LRRN1: variants seen among roughly 807,000 people sequenced by gnomAD.
The protein encoded by LRRN1 is leucine rich repeat neuronal 1.
A neutral mutation model predicts 45.8 loss-of-function variants in LRRN1; 14 were observed. The ratio of observed to expected loss-of-function variants is 0.31; its 90% confidence interval spans 0.20 to 0.48. The LOEUF is 0.48. LRRN1 is among the 20% of genes least tolerant of loss of function. The pLI is 0.99. For missense variants in LRRN1, 789 were observed against 874.2 expected (o/e 0.90, Z 1.23); for synonymous variants, 359 against 330.1 (o/e 1.09, Z -0.95).
At chr3:3,838,592 G>C (rs1428709871) in intron 1 of LRRN1, among the ~76,000 whole-genome samples, 1 of 152,166 alleles carries the variant, frequency 6.6e-6, no homozygotes, top group East Asian at 1.9e-4. Flanking sequence ...AATTTTTTGA[G>C]AAATCACTAT....
intron 1 of LRRN1, among the ~76,000 whole-genome samples, chr3:3,809,182 C>T (rs1403606472): frequency 1.3e-5 from 2 of 151,900 alleles, no homozygotes; most frequent in Non-Finnish European, 2.9e-5. Context: ...TTGTTTCTGT[C>T]GCCCAGGCTG....
intron 1 of LRRN1, among the ~76,000 whole-genome samples, chr3:3,811,500 C>G (rs981062538): frequency 6.6e-6 from 1 of 152,280 alleles, no homozygotes; most frequent in South Asian, 2.1e-4. Flanking sequence ...TATCATATGT[C>G]TATTTCATTT....
At position 3,846,835 on chromosome 3, in the gene LRRN1, G is replaced by A. The variant is rs370731991; in HGVS notation, c.*43G>A. 9.4e-6 allele frequency: 14 copies of A among 1,483,260 alleles called. No individual in the cohort carries two copies. The highest frequency in any genetic ancestry group is 1.3e-5 in the Non-Finnish European group (14 of 1,098,600). 91.9% of individuals were successfully genotyped at this position (1,483,260 alleles called of 1,614,324 possible). The stretch of plus-strand genomic sequence containing the variant: ...TTCTGGTAGTAAGGAGCACAAAGAC[G>A]TTTTTGCTTTATTCTGCAAAAGTGA... On this transcript the variant is annotated 3_prime_UTR_variant, in exon 2 of 2. Transcript: ENST00000319331. This position sits in a 1 kb window ranked among gnomAD's most constrained non-coding sequence, Gnocchi z 5.7.
intron 1 of LRRN1, among the ~76,000 whole-genome samples, chr3:3,833,975 C>T (rs561955041): frequency 1.6e-4 from 25 of 152,278 alleles, no homozygotes; most frequent in Non-Finnish European, 2.9e-4. Context: ...TGTGCATGCA[C>T]CTTTCATTGC....
At chr3:3,819,438 C>A (rs1227205935) in intron 1 of LRRN1, among the ~76,000 whole-genome samples, 1 of 152,194 alleles carries the variant, frequency 6.6e-6, no homozygotes, top group Non-Finnish European at 1.5e-5. Context: ...AAGGTGTCAA[C>A]AGGGCCATGC....
intron 1 of LRRN1, among the ~76,000 whole-genome samples, chr3:3,839,595 A>G (rs1175978285): frequency 2.0e-5 from 3 of 152,130 alleles, no homozygotes; most frequent in Admixed American, 6.5e-5. Flanking sequence ...ACAATATTAA[A>G]TTTTCCAGTC....
Position 3,846,475 on chromosome 3 carries a change from G to T in LRRN1, c.1834G>T (p.Val612Phe). 1 of 1,614,112 alleles carries T rather than the reference G, an allele frequency of 6.2e-7. No individual in the cohort carries two copies. Among genetic ancestry groups the T allele is most frequent in the Non-Finnish European group, 8.5e-7 (1 of 1,180,022 alleles). Residue 612 changes from valine to phenylalanine, a missense_variant, in exon 2 of 2, where the codon GTC becomes TTC. Physicochemically the swap from Val to Phe is conservative, Grantham distance 50. Coordinates refer to ENST00000319331, the MANE Select transcript of LRRN1 (RefSeq NM_020873.7). The surrounding 1 kb of genome is among the most constrained non-coding windows in gnomAD (Gnocchi z 5.7). The part of the protein sequence containing the change: ...HQQTQKSCVN[V>F]TTKNAAFAVD... ...GCAGACTCAAAAGTCATGCGTAAATGTCACAACCAAAAATGCCGCCTTCGC... is the reference window on the plus strand; with the variant it reads ...GCAGACTCAAAAGTCATGCGTAAATTTCACAACCAAAAATGCCGCCTTCGC...
chr3:3,828,138 ATATATATATATATAT>A (rs931099307), intron 1 of LRRN1, among the ~76,000 whole-genome samples: 9 of 147,626 alleles, frequency 6.1e-5, no homozygotes, highest in Non-Finnish European at 1.2e-4. Flanking sequence ...AGAATTATAT[ATATATATATATATAT>A]TATATATATA....
At chr3:3,818,093 A>G (rs1043315665) in intron 1 of LRRN1, among the ~76,000 whole-genome samples, 1 of 152,186 alleles carries the variant, frequency 6.6e-6, no homozygotes, top group Non-Finnish European at 1.5e-5. Context: ...CCAGTTCCTT[A>G]TGCAACACTT....
rs530126986 is a variant in LRRN1, at chr3:3,848,444, C to A, written c.*1652C>A. On this transcript the variant is annotated 3_prime_UTR_variant, in exon 2 of 2. Transcript: ENST00000319331. ...CAAAAGGCAGCTGCCGCCAGGCACACAGCATTCCATCAGACAGGTGCCAGA... is the reference window on the plus strand; with the variant it reads ...CAAAAGGCAGCTGCCGCCAGGCACAAAGCATTCCATCAGACAGGTGCCAGA... 6.6e-6 allele frequency among the ~76,000 whole-genome samples: 1 copy of A among 152,290 alleles called. No homozygotes were observed. The highest frequency in any genetic ancestry group is 2.1e-4 in the South Asian group (1 of 4,830).
At chr3:3,837,567 T>C (rs181047045) in intron 1 of LRRN1, among the ~76,000 whole-genome samples, 2 of 152,272 alleles carry the variant, frequency 1.3e-5, no homozygotes, top group South Asian at 2.1e-4. Context: ...CCTCACTCTA[T>C]AGTCCAAGGA....
intron 1 of LRRN1, among the ~76,000 whole-genome samples, chr3:3,808,060 A>ACTTGTCAAATTGGAGTCCTGTCAAATT (rs1299207220): frequency 6.6e-6 from 1 of 152,216 alleles, no homozygotes; most frequent in African/African-American, 2.4e-5. Context: ...GCATTCATTC[A>ACTTGTCAAATTGGAGTCCTGTCAAATT]CACTGTCAAA....
chr3:3,845,166 C>A lies in LRRN1; in HGVS notation c.525C>A (p.Asn175Lys). The A allele has an allele frequency of 6.2e-7, 1 of 1,614,186 alleles. No homozygotes were observed. The highest frequency in any genetic ancestry group is 8.5e-7 in the Non-Finnish European group (1 of 1,180,024). The change falls in exon 2 of 2, where the codon AAC becomes AAA. Residue 175 changes from asparagine to lysine, a missense_variant. Coordinates refer to ENST00000319331, the MANE Select transcript of LRRN1 (RefSeq NM_020873.7). The surrounding 1 kb of genome is among the most constrained non-coding windows in gnomAD (Gnocchi z 6.5). ...AAAATCTATTAAGGCTCCACCTGAA[C>A]TCCAACAAATTGAAAGTTATTGATA... The part of the protein sequence containing the change: ...GLKNLLRLHL[N>K]SNKLKVIDSR...
chr3:3,846,933 A>G lies in LRRN1; in HGVS notation c.*141A>G, dbSNP rs1347858879. 5 of 685,316 alleles carry G rather than the reference A, an allele frequency of 7.3e-6. No homozygotes were observed. In the Admixed American group the frequency reaches 9.8e-5, roughly 13 times the overall value. 42.5% of individuals were successfully genotyped at this position (685,316 alleles called of 1,614,324 possible). ...GTGGAGAGGACGGGTGGATATTTCA[A>G]ATTTTTTTAGTATAGCGTATCGCAA... On this transcript the variant is annotated 3_prime_UTR_variant, in exon 2 of 2. Transcript: ENST00000319331. The surrounding 1 kb of genome is among the most constrained non-coding windows in gnomAD (Gnocchi z 5.7).
intron 1 of LRRN1, among the ~76,000 whole-genome samples, chr3:3,802,695 T>C (rs961406119): frequency 1.3e-5 from 2 of 152,234 alleles, no homozygotes; most frequent in Non-Finnish European, 2.9e-5. Flanking sequence ...TAGAGCTATA[T>C]AGAAGTCAGA....
intron 1 of LRRN1, among the ~76,000 whole-genome samples, chr3:3,808,890 CAG>C (rs1000215092): frequency 6.6e-6 from 1 of 152,010 alleles, no homozygotes; most frequent in Non-Finnish European, 1.5e-5. Flanking sequence ...GAATTATTAA[CAG>C]AACATATTTA....
At chr3:3,809,280 A>T (rs1692828268) in intron 1 of LRRN1, among the ~76,000 whole-genome samples, 1 of 152,082 alleles carries the variant, frequency 6.6e-6, no homozygotes, top group African/African-American at 2.4e-5. Context: ...TGTAGCTGGG[A>T]TCACAGGTGC....
intron 1 of LRRN1, among the ~76,000 whole-genome samples, chr3:3,834,775 G>A (rs1284815469): frequency 6.6e-6 from 1 of 151,304 alleles, no homozygotes; most frequent in African/African-American, 2.4e-5. Flanking sequence ...GGAGAAAGAT[G>A]TAGGCTGGGA....
At chr3:3,835,381 TACTC>T (rs1156595180) in intron 1 of LRRN1, among the ~76,000 whole-genome samples, 2 of 152,304 alleles carry the variant, frequency 1.3e-5, no homozygotes, top group African/African-American at 4.8e-5. Flanking sequence ...ATCATATAGG[TACTC>T]ACAGTATGGT....
Sources: gnomAD v4.1 joint callset for allele counts (sites outside exome capture counted in the v4.1 genomes callset) on GRCh38, gnomAD v4.1.1 for gene constraint, Gnocchi (gnomAD v3.1) non-coding constraint, MANE v1.5 for transcripts, NCBI Gene and HGNC (gene_info 2026-07-23, HGNC 2026-07-21) for gene names.